EYS: variants seen among roughly 807,000 people sequenced by gnomAD.
EYS encodes the protein protein eyes shut homolog.
Under a neutral mutation model 282.1 loss-of-function variants are expected in EYS, and 250 were observed. The observed-to-expected ratio is 0.89, with a 90% CI of 0.80 to 0.98. The LOEUF is 0.98. Among genes scored for constraint, EYS ranks in the 50% least tolerant of loss-of-function variants. EYS has a pLI of 0.00. For missense variants in EYS, 4,016 were observed against 3,709.0 expected (o/e 1.08, Z -2.15); for synonymous variants, 1,355 against 1,282.9 (o/e 1.06, Z -1.20).
chr6:64,921,727 T>G (rs992599512), intron 15 of EYS, among the ~76,000 whole-genome samples: 12 of 152,222 alleles, frequency 7.9e-5, no homozygotes, highest in African/African-American at 2.9e-4. Flanking sequence ...TCTCTGAATC[T>G]AACTCAATGT....
chr6:64,589,780 A>G (rs1263458397), intron 26 of EYS, among the ~76,000 whole-genome samples: 1 of 152,152 alleles, frequency 6.6e-6, no homozygotes, highest in Non-Finnish European at 1.5e-5. Flanking sequence ...CATAGAGGAT[A>G]GGAAATCTCA....
chr6:64,546,195 C>G (rs1254152068), intron 26 of EYS, among the ~76,000 whole-genome samples: 1 of 152,074 alleles, frequency 6.6e-6, no homozygotes, highest in African/African-American at 2.4e-5. Context: ...TGGAACAGAA[C>G]AGAGCCCTCA....
At chr6:65,258,871 T>C (rs181292305) in intron 12 of EYS, among the ~76,000 whole-genome samples, 1 of 152,176 alleles carries the variant, frequency 6.6e-6, no homozygotes, top group Admixed American at 6.6e-5. Flanking sequence ...TGAAATGACA[T>C]AATTGTGAAA....
At chr6:65,706,344 T>C (rs890914049) in intron 1 of EYS, among the ~76,000 whole-genome samples, 26 of 151,954 alleles carry the variant, frequency 1.7e-4, no homozygotes, top group African/African-American at 6.0e-4. Flanking sequence ...ACATACCTGA[T>C]TTCTGAAATA....
intron 31 of EYS, among the ~76,000 whole-genome samples, chr6:64,144,268 T>C (rs949808511): frequency 3.9e-5 from 6 of 152,184 alleles, no homozygotes; most frequent in African/African-American, 1.4e-4. Context: ...TGTACTTTGT[T>C]CATGCTTCAG....
chr6:63,825,422 G>A (rs2149687670), intron 36 of EYS, among the ~76,000 whole-genome samples: 1 of 152,250 alleles, frequency 6.6e-6, no homozygotes. Context: ...TGCCACCTCT[G>A]GGCAAGAGGC....
At chr6:64,806,943 A>C (rs1764448541) in intron 22 of EYS, among the ~76,000 whole-genome samples, 1 of 152,096 alleles carries the variant, frequency 6.6e-6, no homozygotes, top group South Asian at 2.1e-4. Flanking sequence ...GTTATGTATA[A>C]TGTCTTTGCT....
At chr6:65,069,476 CT>C (rs1315559943) in intron 12 of EYS, among the ~76,000 whole-genome samples, 1 of 152,074 alleles carries the variant, frequency 6.6e-6, no homozygotes, top group East Asian at 1.9e-4. Flanking sequence ...AAACTGCGAT[CT>C]TTTGGTCCCC....
Position 65,353,585 on chromosome 6 carries a change from T to C in EYS, c.1332A>G (p.Pro444=), listed in dbSNP as rs1265255465. Residue 444 remains proline (P), a synonymous_variant, in exon 9 of 43, where the codon CCA becomes CCG. Transcript: ENST00000503581. The part of the protein sequence containing the change: ...YVCIPGCTKN[P]CWFLKNVYLI... ...GGTAAACATTCTTCAAAAACCAACA[T>C]GGATTTTTTGTGCACCCTGGAATGC... is the stretch of plus-strand genomic sequence containing the variant. 5.0e-6 allele frequency: 8 copies of C among 1,613,060 alleles called. No homozygotes were observed. Among genetic ancestry groups the C allele is most frequent in the Non-Finnish European group, 6.8e-6 (8 of 1,179,446 alleles).
chr6:65,702,547 C>G (rs1244271603), intron 1 of EYS, among the ~76,000 whole-genome samples: 1 of 152,056 alleles, frequency 6.6e-6, no homozygotes, highest in Non-Finnish European at 1.5e-5. Context: ...CAAAAATTAG[C>G]CAGGCGTGGT....
intron 22 of EYS, among the ~76,000 whole-genome samples, chr6:64,696,125 G>A (rs1367906251): frequency 6.6e-6 from 1 of 151,904 alleles, no homozygotes; most frequent in Non-Finnish European, 1.5e-5. Flanking sequence ...AATCAATTCA[G>A]GATATGAATG....
At chr6:65,453,175 G>A (rs1383580136) in intron 5 of EYS, among the ~76,000 whole-genome samples, 1 of 151,934 alleles carries the variant, frequency 6.6e-6, no homozygotes, top group African/African-American at 2.4e-5. Flanking sequence ...TACAAACATA[G>A]CGTGTATTTA....
In EYS at chr6:65,427,273, C is replaced by G. The variant is rs76726601; in HGVS notation, c.863-21906G>C. Reference sequence around the variant, plus strand: ...ATTTTAGCACATTTCTTGGAAAATTCTTTTGGAATATTAATTAAAATTATA... The same window carrying G: ...ATTTTAGCACATTTCTTGGAAAATTGTTTTGGAATATTAATTAAAATTATA... On this transcript the variant is annotated intron_variant, in intron 5 of 42. Coordinates refer to ENST00000503581, the MANE Select transcript of EYS (RefSeq NM_001142800.2). Among the ~76,000 whole-genome samples, 4 of 151,998 alleles carry G rather than the reference C, an allele frequency of 2.6e-5. No individual in the cohort carries two copies. In the East Asian group the frequency reaches 7.7e-4, roughly 29 times the overall value.
intron 22 of EYS, among the ~76,000 whole-genome samples, chr6:64,793,609 C>T (rs1774257696): frequency 1.3e-5 from 2 of 152,104 alleles, no homozygotes; most frequent in Admixed American, 6.6e-5. Flanking sequence ...GTTGTAGCTA[C>T]CTTTTTTTAT....
chr6:63,777,611 C>T (rs1221440802), intron 40 of EYS: 1 of 161,570 alleles, frequency 6.2e-6, no homozygotes, highest in African/African-American at 2.4e-5. Context: ...TAAAGTAGTT[C>T]AGAAGTCAAA....
chr6:65,281,176 C>T (rs1248985115), intron 12 of EYS, among the ~76,000 whole-genome samples: 1 of 151,190 alleles, frequency 6.6e-6, no homozygotes, highest in Non-Finnish European at 1.5e-5. Flanking sequence ...TCTATACCAC[C>T]TCTCATTAAG....
chr6:65,315,140 G>C (rs1258657260), intron 11 of EYS, among the ~76,000 whole-genome samples: 1 of 152,034 alleles, frequency 6.6e-6, no homozygotes, highest in Admixed American at 6.6e-5. Context: ...CTGCTGAGTA[G>C]TTTACTGCAT....
Position 64,865,128 on chromosome 6 carries a change from T to C in EYS, c.2992+21569A>G, listed in dbSNP as rs140401985. ...ATATTGGTTGCTTTATAACAATCTA[T>C]ATATTTATTCAAAAGCCAATTATCT... On this transcript the variant is annotated intron_variant, in intron 19 of 42. Transcript: ENST00000503581. 3.0e-3 allele frequency among the ~76,000 whole-genome samples: 452 copies of C among 152,314 alleles called. 1 individual carries two copies. The highest frequency in any genetic ancestry group is 0.01 in the African/African-American group (418 of 41,572).
intron 13 of EYS, among the ~76,000 whole-genome samples, chr6:65,054,720 T>C (rs1253128099): frequency 1.3e-5 from 2 of 152,084 alleles, no homozygotes; most frequent in Non-Finnish European, 2.9e-5. Flanking sequence ...TAAAATAATT[T>C]AACCTTGTTT....
Sources: allele counts gnomAD v4.1 joint callset (sites outside exome capture counted in the v4.1 genomes callset), GRCh38; gene constraint gnomAD v4.1.1; transcripts MANE v1.5; gene names NCBI Gene and HGNC (gene_info 2026-07-23, HGNC 2026-07-21).